The following LRMDA variants were observed in gnomAD, a reference collection of about 807,000 sequenced individuals.
The protein encoded by LRMDA is leucine rich melanocyte differentiation associated, also known as leucine-rich melanocyte differentiation-associated protein.
A neutral mutation model predicts 29.8 loss-of-function variants in LRMDA; 18 were observed. That is an observed-to-expected ratio of 0.60 (90% CI 0.42 to 0.90). LRMDA has a LOEUF of 0.90. Among genes scored for constraint, LRMDA ranks in the 40% least tolerant of loss-of-function variants. LRMDA has a pLI of 0.00. For missense variants in LRMDA, 273 were observed against 273.9 expected (o/e 1.00, Z 0.02); for synonymous variants, 125 against 109.4 (o/e 1.14, Z -0.89).
chr10:75,470,883 A>G (rs1055203203), intron 2 of LRMDA, among the ~76,000 whole-genome samples: 1 of 152,174 alleles, frequency 6.6e-6, no homozygotes, highest in Non-Finnish European at 1.5e-5. Context: ...CTGCTTTCCC[A>G]TACCTGAAGG....
At chr10:75,539,466 A>G (rs7902514) in intron 2 of LRMDA, among the ~76,000 whole-genome samples, 4,569 of 152,310 alleles carry the variant, frequency 0.03, 221 homozygotes, top group African/African-American at 0.1. Flanking sequence ...TTATGAGAGA[A>G]TGACTGAAGT....
chr10:75,700,174 A>G (rs1046056937), intron 2 of LRMDA, among the ~76,000 whole-genome samples: 3 of 152,168 alleles, frequency 2.0e-5, no homozygotes, highest in Non-Finnish European at 4.4e-5. Flanking sequence ...AAACAAATAC[A>G]TATACCTAAG....
intron 2 of LRMDA, among the ~76,000 whole-genome samples, chr10:75,665,154 A>C (rs1181466470): frequency 6.6e-6 from 1 of 152,214 alleles, no homozygotes; most frequent in African/African-American, 2.4e-5. Context: ...CTGGCACCTG[A>C]TGAAATAGTT....
At chr10:75,559,507 G>T (rs377227646) in intron 2 of LRMDA, among the ~76,000 whole-genome samples, 6 of 150,736 alleles carry the variant, frequency 4.0e-5, no homozygotes, top group African/African-American at 1.5e-4. Flanking sequence ...ATGGTAGTTT[G>T]TTTTGCTGTG....
intron 6 of LRMDA, among the ~76,000 whole-genome samples, chr10:76,436,804 G>T (rs1270299570): frequency 2.0e-5 from 3 of 152,164 alleles, no homozygotes; most frequent in African/African-American, 4.8e-5. Flanking sequence ...GTCAGAGCAG[G>T]CTGTGTTCTG....
At chr10:76,003,158 G>C (rs1028659176) in intron 2 of LRMDA, among the ~76,000 whole-genome samples, 1 of 152,132 alleles carries the variant, frequency 6.6e-6, no homozygotes, top group Non-Finnish European at 1.5e-5. Flanking sequence ...AGAACAGGGA[G>C]CGCCACCCCT....
At chr10:76,493,940 T>C (rs143230825) in intron 6 of LRMDA, among the ~76,000 whole-genome samples, 16 of 152,206 alleles carry the variant, frequency 1.1e-4, no homozygotes, top group Admixed American at 5.9e-4. Flanking sequence ...CTTAATTTCA[T>C]ATTTCTGTGC....
chr10:76,538,555 T>TATACAC (rs376954984), intron 6 of LRMDA, among the ~76,000 whole-genome samples: 3 of 141,474 alleles, frequency 2.1e-5, no homozygotes, highest in East Asian at 2.0e-4. Context: ...TATATATATA[T>TATACAC]ACACACACAC....
chr10:75,803,477 G>T (rs1213313353), intron 2 of LRMDA, among the ~76,000 whole-genome samples: 1 of 152,194 alleles, frequency 6.6e-6, no homozygotes, highest in Non-Finnish European at 1.5e-5. Flanking sequence ...GGCACTGTGG[G>T]TCAGAGTAGC....
intron 2 of LRMDA, among the ~76,000 whole-genome samples, chr10:75,851,222 A>C (rs1024489059): frequency 2.0e-5 from 3 of 152,230 alleles, no homozygotes; most frequent in African/African-American, 7.2e-5. Context: ...TATTGAGCTG[A>C]CATGAAGGGT....
At chr10:75,954,171 A>G (rs988558660) in intron 2 of LRMDA, among the ~76,000 whole-genome samples, 1 of 152,188 alleles carries the variant, frequency 6.6e-6, no homozygotes. Context: ...ATGAGCTCAG[A>G]AGGCGATCTT....
At chr10:76,392,594 G>T (rs559741053) in intron 6 of LRMDA, among the ~76,000 whole-genome samples, 1 of 152,074 alleles carries the variant, frequency 6.6e-6, no homozygotes, top group South Asian at 2.1e-4. Flanking sequence ...TGTCCAACAA[G>T]TTTCAGATTT....
intron 2 of LRMDA, among the ~76,000 whole-genome samples, chr10:75,995,117 G>A (rs1320454432): frequency 1.3e-5 from 2 of 152,282 alleles, no homozygotes; most frequent in East Asian, 1.9e-4. Context: ...AGATAGATGG[G>A]AATAAAAATG....
chr10:76,055,089 A>AG (rs1210604272), intron 4 of LRMDA, among the ~76,000 whole-genome samples: 1 of 125,560 alleles, frequency 8.0e-6, no homozygotes, highest in East Asian at 2.0e-4. Context: ...AAAAAAAAAA[A>AG]AAAAAGAAAA....
intron 2 of LRMDA, among the ~76,000 whole-genome samples, chr10:76,014,550 T>C (rs1296337422): frequency 1.3e-5 from 2 of 152,148 alleles, no homozygotes; most frequent in African/African-American, 2.4e-5. Context: ...TGCTGGTTCA[T>C]CCCATTTCTT....
intron 4 of LRMDA, among the ~76,000 whole-genome samples, chr10:76,047,899 G>A (rs80038904): frequency 0.058 from 8,838 of 152,196 alleles, 336 homozygotes; most frequent in Non-Finnish European, 0.08. Flanking sequence ...CGCTTTGATG[G>A]GCTCCAAGTA....
chr10:75,884,827 A>C (rs116489123), intron 2 of LRMDA, among the ~76,000 whole-genome samples: 456 of 152,354 alleles, frequency 3.0e-3, no homozygotes, highest in African/African-American at 0.011. Context: ...AGTCATGAGC[A>C]TCATTTTCCA....
At chr10:75,759,799 G>A (rs1843073737) in intron 2 of LRMDA, among the ~76,000 whole-genome samples, 1 of 151,998 alleles carries the variant, frequency 6.6e-6, no homozygotes, top group Non-Finnish European at 1.5e-5. Flanking sequence ...TTAAAAATCA[G>A]CAAAATTTAT....
intron 2 of LRMDA, among the ~76,000 whole-genome samples, chr10:75,758,645 T>G (rs754039798): frequency 6.6e-6 from 1 of 152,262 alleles, no homozygotes; most frequent in Non-Finnish European, 1.5e-5. Context: ...ACTTTTATTA[T>G]CTACAGCCAT....
Sources: allele counts gnomAD v4.1 joint callset (sites outside exome capture counted in the v4.1 genomes callset), GRCh38; gene constraint gnomAD v4.1.1; transcripts MANE v1.5; gene names NCBI Gene and HGNC (gene_info 2026-07-23, HGNC 2026-07-21).